Variants in RUFY4 observed in about 807,000 individuals in gnomAD.
The protein encoded by RUFY4 is RUN and FYVE domain containing 4.
In RUFY4, 73 loss-of-function variants were observed where a neutral mutation model predicts 69.0. The ratio of observed to expected loss-of-function variants is 1.06; its 90% CI spans 0.88 to 1.29. The LOEUF is 1.29. Ranked by LOEUF, RUFY4 falls within the 50% of genes most tolerant of loss-of-function variation. The probability of loss-of-function intolerance (pLI) is 0.00; values close to 1 mark genes in which losing one functional copy is unlikely to be tolerated. For synonymous variants in RUFY4, 287 were observed against 271.8 expected (o/e 1.06, Z -0.55); for missense variants, 770 against 705.6 (o/e 1.09, Z -1.03).
chr2:218,049,810 G>A (rs185659680), intron 2 of RUFY4, among the ~76,000 whole-genome samples: 185 of 152,264 alleles, frequency 1.2e-3, no homozygotes, highest in African/African-American at 4.2e-3. Context: ...GCCCAGCTAG[G>A]TCCTTTCTTT....
rs142179640 is a variant in RUFY4 at position 218,052,052 on chromosome 2, G to A, written c.-1157-6543G>A. ...AAAGCTTTTCAGATTCATGTCTCAGGGGTTTGGCATTTTCACATCTCACTA... is the reference window on the plus strand; with the variant it reads ...AAAGCTTTTCAGATTCATGTCTCAGAGGTTTGGCATTTTCACATCTCACTA... On this transcript the variant is annotated intron_variant and NMD_transcript_variant, in intron 2 of 13. Coordinates refer to the RUFY4 transcript ENST00000457754. Among the ~76,000 whole-genome samples the A allele has an allele frequency of 3.5e-4, 53 of 152,136 alleles. No individual in the cohort carries two copies. The Middle Eastern group carries it at 0.01, about 29-fold the overall frequency.
chr2:218,072,920 T>A, intron 4 of RUFY4, 35 bp downstream of exon 6: 1 of 1,456,992 alleles, frequency 6.9e-7, no homozygotes, highest in Non-Finnish European at 9.1e-7. Context: ...GCCGATGCCA[T>A]CTGAGCCACT....
At chr2:218,058,292 A>G (rs1689108854) in intron 2 of RUFY4, among the ~76,000 whole-genome samples, 1 of 152,136 alleles carries the variant, frequency 6.6e-6, no homozygotes, top group African/African-American at 2.4e-5. Flanking sequence ...AAACATTTTC[A>G]TTGTGAATAG....
intron 8 of RUFY4, among the ~76,000 whole-genome samples, chr2:218,077,628 T>G (rs12694426): frequency 0.43 from 65,875 of 152,040 alleles, 14,669 homozygotes; most frequent in Middle Eastern, 0.61. Flanking sequence ...TGTCTCTCTC[T>G]CCCACATGGC....
chr2:218,042,224 C>A (rs935083127), intron 2 of RUFY4, among the ~76,000 whole-genome samples: 1 of 152,160 alleles, frequency 6.6e-6, no homozygotes, highest in Non-Finnish European at 1.5e-5. Flanking sequence ...AGCAAAGTTT[C>A]CAGAATTTCA....
chr2:218,072,540 G>A lies in RUFY4; in HGVS notation c.279+41G>A. ...CAGCAAGAAGGCTGACGGGGTGGGG[G>A]TAGACATAGGCCTCCTCCTTTTCCC... On this transcript the variant is annotated intron_variant, in intron 3 of 10. Coordinates refer to ENST00000344321, the Ensembl canonical transcript of RUFY4. 5 of 1,533,046 alleles carry A rather than the reference G, an allele frequency of 3.3e-6. No homozygotes were observed. The South Asian group carries it at 4.8e-5, about 15-fold the overall frequency. The allele number at this position is 1,533,046 out of a possible 1,614,324, so 95.0% of individuals were successfully genotyped here. A position where few individuals can be genotyped will look rare whatever the true frequency, so the allele number is the denominator to read the frequency against.
intron 2 of RUFY4, among the ~76,000 whole-genome samples, chr2:218,046,075 G>C (rs903465535): frequency 1.2e-4 from 19 of 152,006 alleles, no homozygotes; most frequent in Admixed American, 3.9e-4. Flanking sequence ...AAAGTGCTGG[G>C]ATTACAGGCG....
At chr2:218,070,284 C>T, upstream of RUFY4, 2 of 377,452 alleles carry the variant, frequency 5.3e-6, no homozygotes, top group South Asian at 2.6e-5. Flanking sequence ...CCCTGTTTCT[C>T]CTGGTCTAAA....
At chr2:218,060,996 A>C (rs758296040) in intron 3 of RUFY4, 1 of 771,176 alleles carries the variant, frequency 1.3e-6, no homozygotes, top group South Asian at 1.3e-5. Context: ...GTAACAGTCC[A>C]TGCTGCGGCA....
chr2:218,088,699 A>G (rs1446064540), intron 9 of RUFY4, among the ~76,000 whole-genome samples: 2 of 152,168 alleles, frequency 1.3e-5, no homozygotes, highest in Non-Finnish European at 2.9e-5. Context: ...AGAGGAGGCC[A>G]GGTGTCAGTT....
intron 2 of RUFY4, among the ~76,000 whole-genome samples, chr2:218,040,415 C>T (rs79899192): frequency 0.012 from 1,846 of 152,304 alleles, 40 homozygotes; most frequent in African/African-American, 0.041. Flanking sequence ...TTGGACACAC[C>T]TGGCTGGGGC....
chr2:218,077,697 G>T (rs1180344491), intron 8 of RUFY4, among the ~76,000 whole-genome samples: 1 of 152,196 alleles, frequency 6.6e-6, no homozygotes, highest in African/African-American at 2.4e-5. Context: ...CTGAGTAGCT[G>T]TGATTCAGCC....
intron 8 of RUFY4, among the ~76,000 whole-genome samples, chr2:218,082,854 T>C (rs1689794982): frequency 8.4e-6 from 1 of 119,686 alleles, no homozygotes; most frequent in Non-Finnish European, 1.9e-5. Flanking sequence ...GTATAAATTA[T>C]ATGCATGTAG....
chr2:218,057,848 A>G (rs1689095984), intron 2 of RUFY4, among the ~76,000 whole-genome samples: 1 of 152,258 alleles, frequency 6.6e-6, no homozygotes, highest in Admixed American at 6.5e-5. Context: ...ACTTTAAACT[A>G]CTGCATTCAC....
chr2:218,083,301 G>A, intron 9 of RUFY4, 45 bp downstream of exon 11: 1 of 1,540,676 alleles, frequency 6.5e-7, no homozygotes, highest in Non-Finnish European at 8.8e-7. Context: ...TGGGGGAACG[G>A]TAAGGGATGT....
intron 10 of RUFY4, 102 bp from the exon 13 acceptor site, chr2:218,089,850 T>C: frequency 2.5e-6 from 2 of 815,902 alleles, no homozygotes; most frequent in Non-Finnish European, 4.2e-6. Context: ...AACAGATGTC[T>C]CAGGTGGACC....
intron 2 of RUFY4, among the ~76,000 whole-genome samples, chr2:218,047,925 A>G (rs544990016): frequency 4.1e-4 from 62 of 152,208 alleles, no homozygotes; most frequent in Admixed American, 7.8e-4. Context: ...GTTCCCAGTT[A>G]TAAATTTTAA....
intron 9 of RUFY4, among the ~76,000 whole-genome samples, chr2:218,088,109 G>A (rs554577416): frequency 3.3e-5 from 5 of 152,228 alleles, no homozygotes; most frequent in South Asian, 2.1e-4. Flanking sequence ...CTTTTGATAT[G>A]AGCACTTTTG....
At chr2:218,081,336 C>T (rs1262448019) in intron 8 of RUFY4, among the ~76,000 whole-genome samples, 2 of 152,166 alleles carry the variant, frequency 1.3e-5, no homozygotes, top group Admixed American at 6.5e-5. Flanking sequence ...TTTACATGTG[C>T]CCATGCCTGG....
Sources: gnomAD v4.1 joint callset for allele counts (sites outside exome capture counted in the v4.1 genomes callset) on GRCh38, gnomAD v4.1.1 for gene constraint, MANE v1.5 for transcripts, NCBI Gene and HGNC (gene_info 2026-07-23, HGNC 2026-07-21) for gene names.